Variants in APPL1 observed in about 807,000 individuals in gnomAD.
The protein encoded by APPL1 is adaptor protein, phosphotyrosine interacting with PH domain and leucine zipper 1, also known as DCC-interacting protein 13-alpha.
In APPL1, 42 loss-of-function variants were observed where a neutral mutation model predicts 106.8. The ratio of observed to expected loss-of-function variants is 0.39; its 90% CI spans 0.31 to 0.51. The LOEUF (loss-of-function observed/expected upper bound fraction) is 0.51, where lower values mean the gene tolerates loss of function less well. Among genes scored for constraint, APPL1 ranks in the 20% least tolerant of loss-of-function variants. The pLI, the probability that APPL1 is intolerant of heterozygous loss-of-function variation, is 0.75. For synonymous variants in APPL1, 263 were observed against 281.8 expected, an observed-to-expected ratio of 0.93 and a Z score of 0.67; for missense variants, 769 against 858.2, an observed-to-expected ratio of 0.90 and a Z score of 1.30.
At chr3:57,267,664 C>G in intron 19 of APPL1, 78 bp from the exon 20 acceptor site, 1 of 1,204,778 alleles carries the variant, frequency 8.3e-7, no homozygotes, top group Non-Finnish European at 1.2e-6. Context: ...AAACTAGTTC[C>G]ATCAGTTATT....
chr3:57,264,058 G>T (rs2060882337), intron 19 of APPL1, among the ~76,000 whole-genome samples: 1 of 152,018 alleles, frequency 6.6e-6, no homozygotes, highest in African/African-American at 2.4e-5. Flanking sequence ...ATTTGTTATT[G>T]CCTTTTTGCT....
intron 16 of APPL1, 83 bp from the exon 17 acceptor site, chr3:57,259,762 T>C: frequency 8.4e-7 from 1 of 1,194,970 alleles, no homozygotes; most frequent in Non-Finnish European, 1.1e-6. Flanking sequence ...TTTATTCTTT[T>C]GGAAAAGAAA....
intron 1 of APPL1, among the ~76,000 whole-genome samples, chr3:57,233,111 G>A (rs1258779626): frequency 6.6e-6 from 1 of 152,182 alleles, no homozygotes; most frequent in Non-Finnish European, 1.5e-5. Flanking sequence ...ATGTTTACAT[G>A]AGAGCTGTAT....
chr3:57,232,805 A>G (rs7638605), intron 1 of APPL1, among the ~76,000 whole-genome samples: 10,726 of 152,174 alleles, frequency 0.07, 1,258 homozygotes, highest in African/African-American at 0.24. Flanking sequence ...GATCGAGACC[A>G]TCCTGGCTAA....
At chr3:57,233,686 G>A (rs2060701156) in intron 1 of APPL1, among the ~76,000 whole-genome samples, 1 of 152,062 alleles carries the variant, frequency 6.6e-6, no homozygotes, top group African/African-American at 2.4e-5. Flanking sequence ...GGGACTTACT[G>A]GCATCATGAT....
At chr3:57,262,852 AT>A (rs5849200) in intron 19 of APPL1, among the ~76,000 whole-genome samples, 122,740 of 127,394 alleles carry the variant, frequency 0.96, 59,131 homozygotes, top group East Asian at 0.99. Context: ...GTGTGTATGC[AT>A]TTTTTTTTTT....
intron 9 of APPL1, 132 bp downstream of exon 9, chr3:57,247,609 G>T: frequency 3.3e-6 from 2 of 612,164 alleles, no homozygotes; most frequent in Non-Finnish European, 5.5e-6. Context: ...TTCTTATGTG[G>T]TTCATGGTTA....
At chr3:57,235,157 G>C (rs2060709910) in intron 1 of APPL1, among the ~76,000 whole-genome samples, 1 of 152,176 alleles carries the variant, frequency 6.6e-6, no homozygotes, top group South Asian at 2.1e-4. Flanking sequence ...AGGACAGGAA[G>C]GGGTTTGGCC....
intron 1 of APPL1, among the ~76,000 whole-genome samples, chr3:57,234,619 A>G (rs1220890915): frequency 1.3e-5 from 2 of 151,474 alleles, no homozygotes; most frequent in African/African-American, 2.4e-5. Context: ...ACATTTACTT[A>G]TAAGCTTTCC....
chr3:57,232,373 G>A (rs1343179646), intron 1 of APPL1, among the ~76,000 whole-genome samples: 1 of 152,196 alleles, frequency 6.6e-6, no homozygotes, highest in Non-Finnish European at 1.5e-5. Context: ...CCAGGTAGCA[G>A]TAGTAATGTA....
rs779144242 is a variant in APPL1 at position 57,247,433 on chromosome 3, A to G, written c.660A>G (p.Glu220=). Residue 220 remains glutamate, a synonymous_variant, in exon 9 of 22, where the codon GAA becomes GAG. Coordinates refer to ENST00000288266, the MANE Select transcript of APPL1 (RefSeq NM_012096.3). Reference sequence around the variant, plus strand: ...AGATGGGTTCTGAAAATCTTAATGAACAACTGGAAGAATTTTTAGCTAATA... The same window carrying G: ...AGATGGGTTCTGAAAATCTTAATGAGCAACTGGAAGAATTTTTAGCTAATA... ...FFKMGSENLN[E]QLEEFLANIG... 4 of 1,611,870 alleles carry G rather than the reference A, an allele frequency of 2.5e-6. No homozygotes were observed. Among genetic ancestry groups the G allele is most frequent in the Non-Finnish European group, 3.4e-6 (4 of 1,178,492 alleles).
chr3:57,244,407 C>T (rs1258258103), intron 7 of APPL1, among the ~76,000 whole-genome samples: 1 of 152,118 alleles, frequency 6.6e-6, no homozygotes, highest in East Asian at 1.9e-4. Context: ...CTGCCTGCCT[C>T]GGCCTCCCAA....
chr3:57,248,236 AC>A lies in APPL1; in HGVS notation c.749del (p.Thr250LysfsTer2). On this transcript the variant is annotated frameshift_variant, in exon 10 of 22. Transcript: ENST00000288266. LOFTEE classifies it high-confidence loss of function. The part of the protein sequence containing the change: ...MDSDIETMQQ[T>X]IEDLEVASDP... ...CAGTGATATAGAGACCATGCAACAG[AC>A]AATAGAGGATTTGGAAGTAGCCAGT... The A allele has an allele frequency of 6.2e-7, 1 of 1,614,184 alleles. No individual in the cohort carries two copies.
At chr3:57,266,238 T>G (rs1028426439) in intron 19 of APPL1, among the ~76,000 whole-genome samples, 1 of 152,236 alleles carries the variant, frequency 6.6e-6, no homozygotes, top group Non-Finnish European at 1.5e-5. Flanking sequence ...TCCCTTCTCC[T>G]CTATTTTTTG....
chr3:57,260,447 C>G (rs1418525731), intron 18 of APPL1, 181 bp from the exon 19 acceptor site: 1 of 573,046 alleles, frequency 1.7e-6, no homozygotes, highest in African/African-American at 2.0e-5. Flanking sequence ...CAACCTTTTT[C>G]TGCTTGTTAA....
chr3:57,261,115 C>G (rs902494721), intron 19 of APPL1, among the ~76,000 whole-genome samples: 7 of 152,176 alleles, frequency 4.6e-5, no homozygotes, highest in Admixed American at 4.6e-4. Flanking sequence ...CTTTCCTCAT[C>G]ACTCAGCCTT....
chr3:57,238,001 GAC>G, intron 3 of APPL1, 42 bp from the exon 4 acceptor site: 1 of 1,429,726 alleles, frequency 7.0e-7, no homozygotes. Flanking sequence ...ATTCCCAAAA[GAC>G]ACAGCATTGA....
intron 7 of APPL1, among the ~76,000 whole-genome samples, chr3:57,245,225 GC>G (rs2060766567): frequency 6.6e-6 from 1 of 152,156 alleles, no homozygotes; most frequent in Non-Finnish European, 1.5e-5. Context: ...TCTAAGGAAA[GC>G]AGGAAGGCAG....
chr3:57,260,243 C>A, intron 18 of APPL1, 90 bp downstream of exon 18: 2 of 1,355,082 alleles, frequency 1.5e-6, no homozygotes, highest in South Asian at 1.3e-5. Flanking sequence ...CCTGTATATT[C>A]AAGTGTGATA....
Sources: allele counts gnomAD v4.1 joint callset (sites outside exome capture counted in the v4.1 genomes callset), GRCh38; gene constraint gnomAD v4.1.1; transcripts MANE v1.5; gene names NCBI Gene and HGNC (gene_info 2026-07-23, HGNC 2026-07-21).